Variants in CNTNAP2 observed in about 807,000 individuals in gnomAD.
The protein encoded by CNTNAP2 is contactin associated protein 2.
A neutral mutation model predicts 155.2 loss-of-function variants in CNTNAP2; 98 were observed. The ratio of observed to expected loss-of-function variants is 0.63; its 90% CI spans 0.54 to 0.75. The LOEUF is 0.75. Ranked by LOEUF, CNTNAP2 falls within the 30% of genes least tolerant of loss-of-function variation. CNTNAP2 has a pLI of 0.00. For synonymous variants in CNTNAP2, 651 were observed against 631.2 expected (o/e 1.03, Z -0.47); for missense variants, 1,727 against 1,688.1 (o/e 1.02, Z -0.40).
chr7:147,115,923 T>G (rs186222083), intron 5 of CNTNAP2, among the ~76,000 whole-genome samples: 197 of 152,324 alleles, frequency 1.3e-3, no homozygotes, highest in African/African-American at 4.5e-3. Flanking sequence ...TTTTTTGCAT[T>G]GATTGCTTCT....
intron 1 of CNTNAP2, among the ~76,000 whole-genome samples, chr7:146,472,472 G>A (rs1468799135): frequency 6.6e-6 from 1 of 152,116 alleles, no homozygotes; most frequent in East Asian, 1.9e-4. Context: ...TAACCACTAG[G>A]ACCTCAGAGC....
At chr7:148,295,299 T>C (rs1295405158) in intron 21 of CNTNAP2, among the ~76,000 whole-genome samples, 1 of 152,128 alleles carries the variant, frequency 6.6e-6, no homozygotes, top group Non-Finnish European at 1.5e-5. Context: ...ATAAATGAAA[T>C]TGTAAAGACC....
At chr7:147,790,692 C>T (rs1797806980) in intron 13 of CNTNAP2, among the ~76,000 whole-genome samples, 1 of 152,196 alleles carries the variant, frequency 6.6e-6, no homozygotes, top group African/African-American at 2.4e-5. Context: ...CTGTGTCTTC[C>T]TTATCCATCT....
chr7:147,114,029 G>A (rs1485360242), intron 5 of CNTNAP2, among the ~76,000 whole-genome samples: 4 of 152,096 alleles, frequency 2.6e-5, no homozygotes, highest in African/African-American at 2.4e-5. Context: ...GTTCTCATTA[G>A]TTTCAAAGAA....
chr7:147,343,984 T>A (rs1177928317), intron 9 of CNTNAP2, among the ~76,000 whole-genome samples: 4 of 152,212 alleles, frequency 2.6e-5, no homozygotes, highest in Non-Finnish European at 5.9e-5. Context: ...CTATCAAACA[T>A]ATCACATGTT....
At chr7:148,057,986 A>ATTG (rs1038570565) in intron 15 of CNTNAP2, among the ~76,000 whole-genome samples, 3 of 147,790 alleles carry the variant, frequency 2.0e-5, no homozygotes, top group Non-Finnish European at 4.5e-5. Flanking sequence ...TATTATTATT[A>ATTG]TTGTTATTAT....
At chr7:147,895,254 G>A (rs7806850) in intron 13 of CNTNAP2, among the ~76,000 whole-genome samples, 2,604 of 152,020 alleles carry the variant, frequency 0.017, 72 homozygotes, top group African/African-American at 0.057. Context: ...GACTACAGGC[G>A]TGAGCCACCG....
intron 1 of CNTNAP2, among the ~76,000 whole-genome samples, chr7:146,138,069 A>AT (rs1233878974): frequency 2.0e-5 from 3 of 152,114 alleles, no homozygotes; most frequent in Non-Finnish European, 4.4e-5. Flanking sequence ...GGCTAAAGCC[A>AT]GATATGTGAC....
intron 1 of CNTNAP2, among the ~76,000 whole-genome samples, chr7:146,690,892 T>C (rs1800687173): frequency 6.6e-6 from 1 of 152,110 alleles, no homozygotes; most frequent in Admixed American, 6.6e-5. Context: ...GGGCTAAAAA[T>C]ATATAGAATG....
intron 8 of CNTNAP2, among the ~76,000 whole-genome samples, chr7:147,143,042 A>G (rs1052984427): frequency 2.0e-5 from 3 of 152,156 alleles, no homozygotes; most frequent in Admixed American, 6.5e-5. Context: ...TTACATATTA[A>G]ATCACATACT....
intron 21 of CNTNAP2, among the ~76,000 whole-genome samples, chr7:148,375,997 C>A (rs1798977409): frequency 1.7e-5 from 1 of 57,990 alleles, no homozygotes; most frequent in African/African-American, 4.3e-5. Flanking sequence ...AAGACTCCAT[C>A]TCAAAAAAAA....
At chr7:148,083,888 G>A (rs916432816) in intron 15 of CNTNAP2, among the ~76,000 whole-genome samples, 1 of 152,090 alleles carries the variant, frequency 6.6e-6, no homozygotes, top group African/African-American at 2.4e-5. Flanking sequence ...TCCATGAATT[G>A]CACTTGTTTT....
chr7:147,039,798 A>G (rs1799224933), intron 3 of CNTNAP2, among the ~76,000 whole-genome samples: 3 of 152,232 alleles, frequency 2.0e-5, no homozygotes, highest in Non-Finnish European at 4.4e-5. Flanking sequence ...CCAACAGTGT[A>G]TAAGTATTTC....
chr7:148,196,961 A>G (rs1315561552), intron 18 of CNTNAP2, among the ~76,000 whole-genome samples: 1 of 152,232 alleles, frequency 6.6e-6, no homozygotes, highest in Admixed American at 6.5e-5. Flanking sequence ...CTTGCTAGGC[A>G]GTGCTTCCCT....
At chr7:147,806,989 T>G (rs954925691) in intron 13 of CNTNAP2, among the ~76,000 whole-genome samples, 7 of 152,018 alleles carry the variant, frequency 4.6e-5, no homozygotes, top group African/African-American at 1.7e-4. Context: ...CAAAATAACT[T>G]GAAGAGTGGG....
intron 1 of CNTNAP2, among the ~76,000 whole-genome samples, chr7:146,484,643 G>A: frequency 6.6e-6 from 1 of 152,060 alleles, no homozygotes; most frequent in Non-Finnish European, 1.5e-5. Flanking sequence ...AGAAAGAAAA[G>A]AAAGAAAGAA....
At chr7:148,268,959 A>T (rs567164104) in intron 21 of CNTNAP2, among the ~76,000 whole-genome samples, 1 of 152,202 alleles carries the variant, frequency 6.6e-6, no homozygotes, top group African/African-American at 2.4e-5. Flanking sequence ...AAAGACAGAG[A>T]GGAAAGATTG....
At chr7:146,752,434 G>A (rs1194430356) in intron 1 of CNTNAP2, among the ~76,000 whole-genome samples, 1 of 152,114 alleles carries the variant, frequency 6.6e-6, no homozygotes, top group African/African-American at 2.4e-5. Flanking sequence ...ATTTTGAGAA[G>A]TCTCTGTTCA....
chr7:147,767,006 C>A (rs1037784405), intron 13 of CNTNAP2, among the ~76,000 whole-genome samples: 21 of 151,972 alleles, frequency 1.4e-4, no homozygotes, highest in African/African-American at 4.6e-4. Context: ...TATATTGTAC[C>A]AGATACCATT....
Sources: gnomAD v4.1 joint callset for allele counts (sites outside exome capture counted in the v4.1 genomes callset) on GRCh38, gnomAD v4.1.1 for gene constraint, MANE v1.5 for transcripts, NCBI Gene and HGNC (gene_info 2026-07-23, HGNC 2026-07-21) for gene names.